Variants in XPO6 observed in about 807,000 individuals in gnomAD.
XPO6 encodes the protein exportin 6, also known as exportin-6.
Under a neutral mutation model 130.0 loss-of-function variants are expected in XPO6, and 3 were observed. The ratio of observed to expected loss-of-function variants is 0.02; its 90% confidence interval spans 0.01 to 0.06. XPO6 has a LOEUF of 0.06. Ranked by LOEUF, XPO6 falls within the 10% of genes least tolerant of loss-of-function variation. XPO6 has a pLI of 1.00. For synonymous variants in XPO6, 524 were observed against 548.9 expected (o/e 0.95, Z 0.63); for missense variants, 970 against 1,393.0 (o/e 0.70, Z 4.83).
intron 1 of XPO6, among the ~76,000 whole-genome samples, chr16:28,191,107 G>A (rs2043780685): frequency 6.6e-6 from 1 of 152,182 alleles, no homozygotes; most frequent in Admixed American, 6.5e-5. Context: ...GAGAAATGGA[G>A]AAAAGGATAC....
chr16:28,136,187 C>T (rs1216735525), intron 9 of XPO6, among the ~76,000 whole-genome samples: 1 of 152,078 alleles, frequency 6.6e-6, no homozygotes, highest in African/African-American at 2.4e-5. Flanking sequence ...TCTCGCTACA[C>T]ATAAATCACC....
chr16:28,181,554 C>T (rs572398961), intron 1 of XPO6, among the ~76,000 whole-genome samples: 166 of 151,540 alleles, frequency 1.1e-3, no homozygotes, highest in Non-Finnish European at 1.9e-3. Context: ...CTCTGTTTGC[C>T]CAGGCTGGAG....
rs143483249 is a variant in XPO6 at position 28,154,327 on chromosome 16, C to T, written c.1098-1542G>A. 647 of 957,286 alleles carry T rather than the reference C, an allele frequency of 6.8e-4. 8 individuals are homozygous for T. The African/African-American group carries it at 0.011, about 17-fold the overall frequency. 59.3% of individuals were successfully genotyped at this position (957,286 alleles called of 1,614,324 possible). A position where few individuals can be genotyped will look rare whatever the true frequency, so the allele number is the denominator to read the frequency against. On this transcript the variant is annotated intron_variant, in intron 7 of 23. Coordinates refer to ENST00000304658, the MANE Select transcript of XPO6 (RefSeq NM_015171.4). ...ATCTCAATTTTACTTTAGTATCTAA[C>T]CCAATTTTTTAAAAATACAAACAAG... is the stretch of plus-strand genomic sequence containing the variant.
intron 21 of XPO6, 62 bp from the exon 22 acceptor site, chr16:28,102,007 C>G: frequency 7.0e-7 from 1 of 1,431,850 alleles, no homozygotes; most frequent in South Asian, 1.2e-5. Context: ...GCATCTACCC[C>G]ATGTCAGAAG....
chr16:28,208,053 G>A (rs1457028080), intron 1 of XPO6, among the ~76,000 whole-genome samples: 1 of 152,110 alleles, frequency 6.6e-6, no homozygotes, highest in Non-Finnish European at 1.5e-5. Flanking sequence ...GGCTGAGGCT[G>A]GAGAATCATT....
chr16:28,144,684 T>C (rs182378377), intron 9 of XPO6, among the ~76,000 whole-genome samples: 5 of 152,324 alleles, frequency 3.3e-5, no homozygotes, highest in African/African-American at 1.2e-4. Flanking sequence ...CCTTCCTCCA[T>C]TTGGTACATT....
rs141181250 is a variant in XPO6 at position 28,178,729 on chromosome 16, T to C, written c.95-1397A>G. 1.8e-3 allele frequency among the ~76,000 whole-genome samples: 262 copies of C among 143,370 alleles called. 2 individuals are homozygous for C. The highest frequency in any genetic ancestry group is 5.9e-3 in the African/African-American group (229 of 38,542). The allele number at this position is 143,370 out of a possible 152,430, so 94.1% of individuals were successfully genotyped here. On this transcript the variant is annotated intron_variant, in intron 2 of 23. Coordinates refer to ENST00000304658, the MANE Select transcript of XPO6 (RefSeq NM_015171.4). ...ACGCCACTACACCCAGCCTGAGTGA[T>C]AGAGCAAAATCCTATCTCTTAAAAC... is the stretch of plus-strand genomic sequence containing the variant.
Position 28,101,825 on chromosome 16 carries a change from T to A in XPO6, c.3045+22A>T, listed in dbSNP as rs779687757. On this transcript the variant is annotated intron_variant, in intron 22 of 23. Coordinates refer to ENST00000304658, the MANE Select transcript of XPO6 (RefSeq NM_015171.4). This position sits in a 1 kb window ranked among gnomAD's most constrained non-coding sequence, Gnocchi z 5.4. Reference sequence around the variant, plus strand: ...CACAATGCCCCTGATGGAAGAATATTTCCAAGAGCTGGGGCACTTACCTTG... The same window carrying A: ...CACAATGCCCCTGATGGAAGAATATATCCAAGAGCTGGGGCACTTACCTTG... The A allele has an allele frequency of 6.2e-7, 1 of 1,611,096 alleles. No individual in the cohort carries two copies. Among genetic ancestry groups the A allele is most frequent in the African/African-American group, 1.3e-5 (1 of 74,992 alleles).
chr16:28,153,001 C>A, intron 7 of XPO6: 2 of 1,209,728 alleles, frequency 1.7e-6, no homozygotes, highest in Non-Finnish European at 2.1e-6. Flanking sequence ...AATCCTCAGA[C>A]ACTGTCTGCT....
intron 1 of XPO6, chr16:28,209,129 T>C (rs2044082386): frequency 1.3e-5 from 2 of 152,014 alleles, no homozygotes; most frequent in East Asian, 1.9e-4. Context: ...CTACCTAAAG[T>C]AGTCAAATTC....
At chr16:28,207,794 G>C (rs1430451506) in intron 1 of XPO6, among the ~76,000 whole-genome samples, 1 of 152,178 alleles carries the variant, frequency 6.6e-6, no homozygotes, top group Non-Finnish European at 1.5e-5. Context: ...GCTCTGGCAG[G>C]AACAGCCATA....
chr16:28,116,387 G>T (rs13331586), intron 15 of XPO6, among the ~76,000 whole-genome samples: 1 of 151,724 alleles, frequency 6.6e-6, no homozygotes, highest in Non-Finnish European at 1.5e-5. Context: ...GCGTGAACCC[G>T]GGAGACGGAG....
At chr16:28,208,232 C>T (rs970753843) in intron 1 of XPO6, among the ~76,000 whole-genome samples, 5 of 152,314 alleles carry the variant, frequency 3.3e-5, no homozygotes, top group South Asian at 4.1e-4. Context: ...TATCACATTA[C>T]GCCACTTTCA....
intron 12 of XPO6, among the ~76,000 whole-genome samples, chr16:28,129,473 T>C (rs1328936584): frequency 6.6e-6 from 1 of 152,012 alleles, no homozygotes. Context: ...TGCTGAAAGG[T>C]TTGGAGGCAC....
At chr16:28,198,487 A>G (rs936667051) in intron 1 of XPO6, among the ~76,000 whole-genome samples, 1 of 152,158 alleles carries the variant, frequency 6.6e-6, no homozygotes, top group Admixed American at 6.5e-5. Context: ...TAGAATAAAG[A>G]AGGCACAGAA....
At chr16:28,190,222 T>TA (rs1491011417) in intron 1 of XPO6, among the ~76,000 whole-genome samples, 2 of 147,960 alleles carry the variant, frequency 1.4e-5, no homozygotes, top group Non-Finnish European at 2.9e-5. Context: ...TTTCTTTCTT[T>TA]ATTTTTTTTT....
intron 6 of XPO6, among the ~76,000 whole-genome samples, chr16:28,162,338 T>C (rs1233816278): frequency 1.3e-5 from 2 of 152,214 alleles, no homozygotes; most frequent in Admixed American, 1.3e-4. Context: ...TACACCGTAA[T>C]CAAAGTGGAA....
At chr16:28,186,371 A>ATTTTTTTTTTTTTTTT (rs1237138991) in intron 1 of XPO6, among the ~76,000 whole-genome samples, 4 of 10,126 alleles carry the variant, frequency 4.0e-4, no homozygotes, top group African/African-American at 8.2e-4. Context: ...TGCCCCAGTT[A>ATTTTTTTTTTTTTTTT]TTCTTTTTTT....
chr16:28,135,825 A>C (rs1306267946), intron 9 of XPO6, among the ~76,000 whole-genome samples: 4 of 152,182 alleles, frequency 2.6e-5, no homozygotes, highest in African/African-American at 9.7e-5. Flanking sequence ...ACTGATAAGG[A>C]AGGCCTCATT....
Sources: gnomAD v4.1 joint callset for allele counts (sites outside exome capture counted in the v4.1 genomes callset) on GRCh38, gnomAD v4.1.1 for gene constraint, Gnocchi (gnomAD v3.1) non-coding constraint, MANE v1.5 for transcripts, NCBI Gene and HGNC (gene_info 2026-07-23, HGNC 2026-07-21) for gene names.